The following DOCK2 variants were observed in gnomAD, a reference collection of about 807,000 sequenced individuals.
The protein encoded by DOCK2 is dedicator of cytokinesis protein 2.
DOCK2 carries 87 observed loss-of-function variants against 248.9 expected under a neutral mutation model. The observed-to-expected ratio is 0.35, with a 90% CI of 0.29 to 0.42. The LOEUF (loss-of-function observed/expected upper bound fraction) is 0.42, where lower values mean the gene tolerates loss of function less well. Among genes scored for constraint, DOCK2 ranks in the 10% least tolerant of loss-of-function variants. The pLI is 1.00. For synonymous variants in DOCK2, 805 were observed against 821.6 expected (o/e 0.98, Z 0.35); for missense variants, 1,747 against 2,300.2 (o/e 0.76, Z 4.92).
chr5:169,882,535 A>G (rs1261881610), intron 27 of DOCK2: 4 of 1,500,728 alleles, frequency 2.7e-6, no homozygotes, highest in Middle Eastern at 1.7e-4. Flanking sequence ...TTTTAATATG[A>G]AAAAAAAATC....
chr5:169,732,585 G>A (rs1046940727), intron 22 of DOCK2, among the ~76,000 whole-genome samples: 2 of 152,162 alleles, frequency 1.3e-5, no homozygotes, highest in East Asian at 1.9e-4. Flanking sequence ...CCAGTATGCA[G>A]CGTGAGACAG....
intron 26 of DOCK2, among the ~76,000 whole-genome samples, chr5:169,804,123 CTG>C (rs1405352805): frequency 6.6e-6 from 1 of 152,184 alleles, no homozygotes. Context: ...TCTGAATGAA[CTG>C]TGTCTATTAT....
intron 22 of DOCK2, among the ~76,000 whole-genome samples, chr5:169,731,199 G>A (rs973745680): frequency 1.3e-5 from 2 of 152,030 alleles, no homozygotes; most frequent in African/African-American, 2.4e-5. Flanking sequence ...TTAATGTATC[G>A]GTCTAAAGAC....
At position 170,008,722 on chromosome 5, in the gene DOCK2, A is replaced by G. The variant is rs1371764307; in HGVS notation, c.3208A>G (p.Ile1070Val). ...CATGAGACGGCTAATTGGCTTCTCC[A>G]TCCGTGATATGTGGTACAAGCTTGG... ...GDMRRLIGFS[I>V]RDMWYKLGQN... The change falls in exon 32 of 52, where the codon ATC (isoleucine) becomes GTC (valine). Residue 1070 changes from isoleucine (I) to valine (V), a missense_variant. Around this residue, in one of 4 missense-constraint regions of DOCK2, gnomAD observed 858 missense variants for 1,183.5 expected, o/e 0.72. Coordinates refer to ENST00000520908, the MANE Select transcript of DOCK2 (RefSeq NM_004946.3). 6.2e-7 allele frequency: 1 copy of G among 1,613,938 alleles called. No individual in the cohort carries two copies. The highest frequency in any genetic ancestry group is 1.3e-5 in the African/African-American group (1 of 74,900).
intron 30 of DOCK2, among the ~76,000 whole-genome samples, chr5:170,004,121 G>A (rs571519968): frequency 2.8e-4 from 42 of 152,314 alleles, no homozygotes; most frequent in South Asian, 1.2e-3. Flanking sequence ...GTTCATAGCA[G>A]CATAGCGTCA....
At chr5:170,071,186 C>T (rs1757668884) in intron 46 of DOCK2, among the ~76,000 whole-genome samples, 1 of 152,214 alleles carries the variant, frequency 6.6e-6, no homozygotes, top group African/African-American at 2.4e-5. Flanking sequence ...TTATCACATG[C>T]AGCAGATTAG....
At chr5:169,656,521 C>G (rs1314135643) in intron 2 of DOCK2, among the ~76,000 whole-genome samples, 1 of 152,112 alleles carries the variant, frequency 6.6e-6, no homozygotes, top group African/African-American at 2.4e-5. Context: ...CCATGTTGGC[C>G]AGGCTGGTCT....
chr5:170,023,714 C>G (rs1018804423), intron 33 of DOCK2, among the ~76,000 whole-genome samples: 1 of 152,184 alleles, frequency 6.6e-6, no homozygotes, highest in Middle Eastern at 3.2e-3. Context: ...CTTCTTTCCA[C>G]CCAGGATAAC....
At chr5:169,937,785 T>A (rs1416361262) in intron 27 of DOCK2, among the ~76,000 whole-genome samples, 1 of 152,256 alleles carries the variant, frequency 6.6e-6, no homozygotes, top group Non-Finnish European at 1.5e-5. Flanking sequence ...GGGTCCTCAT[T>A]GTCCCTGGAC....
At chr5:169,983,022 T>A (rs1777980998) in intron 27 of DOCK2, 46 bp from the exon 28 acceptor site, 8 of 1,600,650 alleles carry the variant, frequency 5.0e-6, no homozygotes, top group Non-Finnish European at 6.8e-6. Flanking sequence ...AAGTTTTCCA[T>A]GGTCCTCTCT....
At chr5:169,767,460 G>T (rs963340805) in intron 25 of DOCK2, among the ~76,000 whole-genome samples, 3 of 152,052 alleles carry the variant, frequency 2.0e-5, no homozygotes, top group Non-Finnish European at 4.4e-5. Flanking sequence ...TCTGAGCCTC[G>T]GGTTCCATGT....
At chr5:169,780,352 AAC>A (rs1765643113) in intron 25 of DOCK2, among the ~76,000 whole-genome samples, 2 of 147,952 alleles carry the variant, frequency 1.4e-5, no homozygotes, top group South Asian at 4.3e-4. Flanking sequence ...GAATCGTTCT[AAC>A]ACACCTTCCA....
chr5:169,815,560 C>A (rs545932533), intron 26 of DOCK2, among the ~76,000 whole-genome samples: 1 of 152,276 alleles, frequency 6.6e-6, no homozygotes, highest in East Asian at 1.9e-4. Flanking sequence ...ACCAAAAATT[C>A]AGTAATCAAA....
chr5:169,865,643 A>T (rs930750255), intron 27 of DOCK2, among the ~76,000 whole-genome samples: 1 of 152,236 alleles, frequency 6.6e-6, no homozygotes, highest in African/African-American at 2.4e-5. Context: ...ACCTGGTTTC[A>T]TACCAGGGGT....
At chr5:169,638,449 A>G (rs1433896428) in intron 1 of DOCK2, among the ~76,000 whole-genome samples, 3 of 152,240 alleles carry the variant, frequency 2.0e-5, no homozygotes, top group Non-Finnish European at 4.4e-5. Context: ...AGTTATGTGT[A>G]AGGCTAGAGG....
intron 28 of DOCK2, among the ~76,000 whole-genome samples, chr5:169,984,622 A>G (rs1243457440): frequency 2.6e-5 from 4 of 152,280 alleles, no homozygotes; most frequent in East Asian, 1.9e-4. Flanking sequence ...TGTTCCTCCT[A>G]TCCTCACTAT....
rs200816827 is a variant in DOCK2 at position 169,700,027 on chromosome 5, C to G, written c.1146C>G (p.Thr382=). The change falls in exon 13 of 52, where the codon ACC becomes ACG. Residue 382 remains threonine, a synonymous_variant. Coordinates refer to ENST00000520908, the MANE Select transcript of DOCK2 (RefSeq NM_004946.3). ...GTTCCTTTGCAGGCCTCTGGGTGAC[C>G]ATGAAGATGCTGGTGGGTGACATCA... The part of the protein sequence containing the change: ...GDSGGQGLWV[T]MKMLVGDIIQ... 1 of 1,613,806 alleles carries G rather than the reference C, an allele frequency of 6.2e-7. No individual in the cohort carries two copies. The highest frequency in any genetic ancestry group is 1.3e-5 in the African/African-American group (1 of 75,026).
chr5:170,072,862 A>T (rs1388502012), intron 46 of DOCK2, among the ~76,000 whole-genome samples: 2 of 152,058 alleles, frequency 1.3e-5, no homozygotes, highest in African/African-American at 2.4e-5. Flanking sequence ...TTGTTAATTT[A>T]GTTGTCTCTT....
At chr5:169,925,936 T>C (rs1297877046) in intron 27 of DOCK2, among the ~76,000 whole-genome samples, 1 of 152,152 alleles carries the variant, frequency 6.6e-6, no homozygotes, top group Non-Finnish European at 1.5e-5. Context: ...CTAGGGAAAT[T>C]CTTAAAGGGG....
Sources: allele counts gnomAD v4.1 joint callset (sites outside exome capture counted in the v4.1 genomes callset), GRCh38; gene constraint gnomAD v4.1.1; regional missense constraint gnomAD v4.1.1; transcripts MANE v1.5; gene names NCBI Gene and HGNC (gene_info 2026-07-23, HGNC 2026-07-21).